Variants in ZNF469 observed in about 807,000 individuals in gnomAD.
The protein encoded by ZNF469 is zinc finger protein 469.
Under a neutral mutation model 1.0 loss-of-function variants are expected in ZNF469, and 1 was observed. The observed-to-expected ratio is 1.00, with a 90% CI of 0.35 to 4.73. The LOEUF (loss-of-function observed/expected upper bound fraction) is 4.73. Among genes scored for constraint, ZNF469 ranks in the 30% most tolerant of loss-of-function variants. The pLI is 0.16. For synonymous variants in ZNF469, 2,703 were observed against 2,363.4 expected (o/e 1.14, Z -4.17); for missense variants, 6,100 against 5,356.3 (o/e 1.14, Z -4.33).
chr16:88,391,845 A>C (rs1904500360), intron 1 of ZNF469, among the ~76,000 whole-genome samples: 1 of 152,228 alleles, frequency 6.6e-6, no homozygotes, highest in Non-Finnish European at 1.5e-5. Context: ...CTGGGTTTGC[A>C]GTCTGTGGGT....
At chr16:88,137,611 C>T in the ZNF469 span, among the ~76,000 whole-genome samples, 4 of 152,092 alleles carry the variant, frequency 2.6e-5, no homozygotes, top group African/African-American at 4.8e-5. Context: ...TACAGCTATG[C>T]GTGCATACCA....
At chr16:88,336,876 C>G in the ZNF469 span, among the ~76,000 whole-genome samples, 1 of 152,228 alleles carries the variant, frequency 6.6e-6, no homozygotes, top group Admixed American at 6.5e-5. Flanking sequence ...GCCGTTCCCC[C>G]AGCCCCTGGC....
Position 88,431,848 on chromosome 16 carries a change from C to T in ZNF469, c.4378C>T (p.Pro1460Ser). 6.5e-7 allele frequency: 1 copy of T among 1,550,044 alleles called. No individual in the cohort carries two copies. The highest frequency in any genetic ancestry group is 8.7e-7 in the Non-Finnish European group (1 of 1,146,938). Reference protein sequence around the residue: ...LESSSLFPDLPVDRFDPPLYG... With the variant: ...LESSSLFPDLSVDRFDPPLYG... ...GTCCTCATCCCTCTTCCCAGACCTGCCGGTGGACAGATTCGACCCACCCCT... is the reference window on the plus strand; with the variant it reads ...GTCCTCATCCCTCTTCCCAGACCTGTCGGTGGACAGATTCGACCCACCCCT... The change falls in exon 3 of 3, where the codon CCG (proline) becomes TCG (serine). Residue 1460 changes from proline (P) to serine (S), a missense_variant. Physicochemically the swap from Pro to Ser is moderately conservative, Grantham distance 74 (BLOSUM62 -1). Coordinates refer to ENST00000565624, the MANE Select transcript of ZNF469 (RefSeq NM_001367624.2).
chr16:88,435,921 C>T lies in ZNF469; in HGVS notation c.8451C>T (p.Cys2817=), dbSNP rs774180906. ...CGGCGGACAGCACCACCAGCAGCTG[C>T]CTCCAGGGCCTCCCGGACAACCCAG... ...SSPADSTTSS[C]LQGLPDNPDT... The change falls in exon 3 of 3, where the codon TGC becomes TGT. Residue 2817 remains cysteine, a synonymous_variant. Coordinates refer to ENST00000565624, the MANE Select transcript of ZNF469 (RefSeq NM_001367624.2). The T allele has an allele frequency of 3.9e-6, 6 of 1,550,094 alleles. No individual in the cohort carries two copies. The South Asian group carries it at 5.9e-5, about 15-fold the overall frequency.
At chr16:88,418,140 T>C (rs1253766115) in intron 1 of ZNF469, among the ~76,000 whole-genome samples, 1 of 152,058 alleles carries the variant, frequency 6.6e-6, no homozygotes, top group Non-Finnish European at 1.5e-5. Context: ...AGGCCCAGGA[T>C]GGGGGCAAGC....
At chr16:88,204,021 C>A in the ZNF469 span, among the ~76,000 whole-genome samples, 1 of 144,048 alleles carries the variant, frequency 6.9e-6, no homozygotes, top group African/African-American at 2.7e-5. Flanking sequence ...TGTCTCATAA[C>A]CCCATAGAGC....
chr16:88,131,700 A>G, the ZNF469 span, among the ~76,000 whole-genome samples: 548 of 152,352 alleles, frequency 3.6e-3, 1 homozygote, highest in Admixed American at 7.8e-3. Flanking sequence ...CCGCTCGCAG[A>G]AGGCAGGGGC....
chr16:88,102,797 C>T, the ZNF469 span, among the ~76,000 whole-genome samples: 28 of 152,322 alleles, frequency 1.8e-4, no homozygotes, highest in Admixed American at 8.5e-4. Context: ...AGGCGTCCAC[C>T]GCAGGGCCCC....
the ZNF469 span, among the ~76,000 whole-genome samples, chr16:88,371,194 A>C: frequency 6.6e-6 from 1 of 152,238 alleles, no homozygotes; most frequent in Non-Finnish European, 1.5e-5. Context: ...TCCCACAGAC[A>C]TGGCAGCCTC....
At chr16:88,188,170 C>T in the ZNF469 span, among the ~76,000 whole-genome samples, 3 of 152,198 alleles carry the variant, frequency 2.0e-5, no homozygotes, top group African/African-American at 7.2e-5. Flanking sequence ...TCCTTGCTGC[C>T]CTGGACAACT....
the ZNF469 span, among the ~76,000 whole-genome samples, chr16:88,184,914 C>G: frequency 2.6e-5 from 4 of 152,184 alleles, no homozygotes; most frequent in African/African-American, 9.7e-5. Flanking sequence ...CACACTCACA[C>G]AATAGGCTGT....
At chr16:88,265,335 G>A in the ZNF469 span, among the ~76,000 whole-genome samples, 1 of 152,168 alleles carries the variant, frequency 6.6e-6, no homozygotes, top group Non-Finnish European at 1.5e-5. Flanking sequence ...CCCCTCAGGA[G>A]GTTCCCCTAG....
At position 88,429,093 on chromosome 16, in the gene ZNF469, G is replaced by C; in HGVS notation, c.1623G>C (p.Gln541His). 6.5e-7 allele frequency: 1 copy of C among 1,549,984 alleles called. No homozygotes were observed. The highest frequency in any genetic ancestry group is 1.4e-5 in the African/African-American group (1 of 73,144). Residue 541 changes from glutamine (Q) to histidine (H), a missense_variant, in exon 3 of 3, where the codon CAG becomes CAC. Transcript: ENST00000565624. Reference sequence around the variant, plus strand: ...AGCTGCCAGCCGTGAGAAGCAGCCAGGGCGGCTCCCCAGCACTGTTCACCT... The same window carrying C: ...AGCTGCCAGCCGTGAGAAGCAGCCACGGCGGCTCCCCAGCACTGTTCACCT... ...REKLPAVRSSQGGSPALFTYN... is the reference protein window; with the variant it reads ...REKLPAVRSSHGGSPALFTYN...
At chr16:88,341,564 G>A in the ZNF469 span, among the ~76,000 whole-genome samples, 2 of 152,244 alleles carry the variant, frequency 1.3e-5, no homozygotes, top group Non-Finnish European at 2.9e-5. Flanking sequence ...CAGAAAGCAG[G>A]CACCTGGGTT....
At chr16:88,382,179 C>T (rs191751186), upstream of ZNF469, among the ~76,000 whole-genome samples, 395 of 152,372 alleles carry the variant, frequency 2.6e-3, 4 homozygotes, top group African/African-American at 9.2e-3. Context: ...TTGGAGGAGG[C>T]CCACACGCCC....
chr16:88,218,524 T>C, the ZNF469 span, among the ~76,000 whole-genome samples: 1 of 152,202 alleles, frequency 6.6e-6, no homozygotes, highest in East Asian at 1.9e-4. Context: ...GCCCACATGA[T>C]TATCTCAATA....
the ZNF469 span, among the ~76,000 whole-genome samples, chr16:88,293,548 G>A: frequency 2.0e-5 from 3 of 152,274 alleles, no homozygotes; most frequent in East Asian, 5.8e-4. Context: ...TAAATGGAAA[G>A]GGAAATGATG....
At chr16:88,265,078 G>C in the ZNF469 span, among the ~76,000 whole-genome samples, 1 of 151,924 alleles carries the variant, frequency 6.6e-6, no homozygotes, top group Non-Finnish European at 1.5e-5. Flanking sequence ...TTCAGGTTTC[G>C]GCAGCTGCCA....
the ZNF469 span, among the ~76,000 whole-genome samples, chr16:88,166,671 G>A: frequency 5.7e-4 from 87 of 151,966 alleles, no homozygotes; most frequent in African/African-American, 8.9e-4. This position sits in a 1 kb window ranked among gnomAD's most constrained non-coding sequence, Gnocchi z 4.5. Flanking sequence ...ACCGCCCATC[G>A]ATAGCGCCAC....
Sources: gnomAD v4.1 joint callset for allele counts (sites outside exome capture counted in the v4.1 genomes callset) on GRCh38, gnomAD v4.1.1 for gene constraint, Gnocchi (gnomAD v3.1) non-coding constraint, MANE v1.5 for transcripts, NCBI Gene and HGNC (gene_info 2026-07-23, HGNC 2026-07-21) for gene names.